Variants in OSBPL8 observed in about 807,000 individuals in gnomAD.
OSBPL8 encodes the protein oxysterol-binding protein-related protein 8.
A neutral mutation model predicts 125.5 loss-of-function variants in OSBPL8; 59 were observed. That is an observed-to-expected ratio of 0.47 (90% CI 0.38 to 0.58). OSBPL8 has a LOEUF of 0.58. OSBPL8 is among the 20% of genes least tolerant of loss of function. OSBPL8 has a pLI of 0.00. For synonymous variants in OSBPL8, 330 were observed against 338.9 expected (o/e 0.97, Z 0.29); for missense variants, 758 against 1,047.8 (o/e 0.72, Z 3.82).
At chr12:76,376,630 AAT>A (rs765658039) in intron 16 of OSBPL8, among the ~76,000 whole-genome samples, 20 of 152,194 alleles carry the variant, frequency 1.3e-4, no homozygotes, top group Admixed American at 6.6e-4. Context: ...AAAATTTAAA[AAT>A]ATGTGTTCTT....
At chr12:76,462,921 G>A (rs1874918916) in intron 2 of OSBPL8, among the ~76,000 whole-genome samples, 1 of 152,196 alleles carries the variant, frequency 6.6e-6, no homozygotes, top group African/African-American at 2.4e-5. Context: ...GCAAAAATAG[G>A]AAAGTAGTAG....
intron 1 of OSBPL8, among the ~76,000 whole-genome samples, chr12:76,533,369 T>C (rs1950403150): frequency 6.6e-6 from 1 of 152,190 alleles, no homozygotes; most frequent in African/African-American, 2.4e-5. Flanking sequence ...CTACTCAAGG[T>C]GCCTTCTCTG....
chr12:76,444,392 C>T (rs151113874), intron 4 of OSBPL8, among the ~76,000 whole-genome samples: 164 of 152,212 alleles, frequency 1.1e-3, no homozygotes, highest in African/African-American at 3.6e-3. Flanking sequence ...ACTGAGATAA[C>T]AGTATCACCT....
At chr12:76,545,086 T>G (rs1447351551) in intron 1 of OSBPL8, among the ~76,000 whole-genome samples, 1 of 152,188 alleles carries the variant, frequency 6.6e-6, no homozygotes, top group African/African-American at 2.4e-5. Context: ...ATTTTCCCAG[T>G]GCATCTGTTC....
intron 2 of OSBPL8, among the ~76,000 whole-genome samples, chr12:76,483,717 C>A (rs1349958676): frequency 7.9e-6 from 1 of 126,814 alleles, no homozygotes; most frequent in Admixed American, 9.0e-5. Flanking sequence ...TCTTGTCACC[C>A]AGGCTGGAGT....
intron 4 of OSBPL8, among the ~76,000 whole-genome samples, chr12:76,438,636 G>A (rs1476672212): frequency 6.6e-6 from 1 of 152,134 alleles, no homozygotes; most frequent in African/African-American, 2.4e-5. Context: ...AACTTCACAT[G>A]GTTAGGAAAG....
intron 1 of OSBPL8, among the ~76,000 whole-genome samples, chr12:76,529,816 A>T (rs529586981): frequency 1.3e-5 from 2 of 152,368 alleles, no homozygotes; most frequent in Non-Finnish European, 2.9e-5. Flanking sequence ...GCAAGGCAGG[A>T]ACATGATCCA....
At chr12:76,508,120 G>A (rs1457533124) in intron 1 of OSBPL8, among the ~76,000 whole-genome samples, 2 of 146,450 alleles carry the variant, frequency 1.4e-5, no homozygotes, top group Non-Finnish European at 3.0e-5. Context: ...GCAGTGAGCC[G>A]AGATTGCGCC....
Position 76,486,314 on chromosome 12 carries a change from A to AAT in OSBPL8, c.42+1194_42+1195dup, listed in dbSNP as rs562931941. On this transcript the variant is annotated intron_variant, in intron 2 of 23. Coordinates refer to ENST00000261183, the MANE Select transcript of OSBPL8 (RefSeq NM_020841.5). ...CTAAAATTTACAAACACCGCAATCT[A>AAT]ATAGTGACTCTCAATTCCACAGCAA... is the stretch of plus-strand genomic sequence containing the variant. Among the ~76,000 whole-genome samples the AAT allele has an allele frequency of 9.3e-4, 142 of 152,320 alleles. 2 individuals carry two copies. The South Asian group carries it at 0.028, about 30-fold the overall frequency.
intron 10 of OSBPL8, among the ~76,000 whole-genome samples, chr12:76,391,822 G>T (rs1449699939): frequency 6.6e-6 from 1 of 152,050 alleles, no homozygotes; most frequent in Non-Finnish European, 1.5e-5. Context: ...AAATGATAGG[G>T]AAGAAATGTC....
At chr12:76,553,976 CAAA>C (rs11395533) in intron 1 of OSBPL8, among the ~76,000 whole-genome samples, 2 of 95,710 alleles carry the variant, frequency 2.1e-5, no homozygotes, top group African/African-American at 4.2e-5. Flanking sequence ...GACTCTATCT[CAAA>C]AAAAAAAAAA....
chr12:76,537,504 A>G (rs1161801531), intron 1 of OSBPL8, among the ~76,000 whole-genome samples: 1 of 152,246 alleles, frequency 6.6e-6, no homozygotes, highest in Non-Finnish European at 1.5e-5. Flanking sequence ...CACTGAGAAG[A>G]GATAACAAAG....
intron 4 of OSBPL8, among the ~76,000 whole-genome samples, chr12:76,439,800 C>G (rs910055551): frequency 6.6e-6 from 1 of 152,062 alleles, no homozygotes; most frequent in African/African-American, 2.4e-5. Context: ...TTTATAATAT[C>G]TTTTAAACAT....
intron 1 of OSBPL8, among the ~76,000 whole-genome samples, chr12:76,506,486 C>G (rs1056950630): frequency 6.6e-6 from 1 of 152,082 alleles, no homozygotes; most frequent in Non-Finnish European, 1.5e-5. Flanking sequence ...CTGAGGTGCT[C>G]CAGTATTAAA....
rs59456964 is a variant in OSBPL8 at position 76,555,712 on chromosome 12, AACG to A, written c.-68+3682_-68+3684del. Among the ~76,000 whole-genome samples, 112 of 152,314 alleles carry A rather than the reference AACG, an allele frequency of 7.4e-4. 1 individual carries two copies. In the East Asian group the frequency reaches 0.02, roughly 28 times the overall value. On this transcript the variant is annotated intron_variant, in intron 1 of 23. Transcript: ENST00000261183. The stretch of plus-strand genomic sequence containing the variant: ...TAAGACCAAGTGATTGGCCGATGGA[AACG>A]ACGCTTGTATAAGATTCAGTCAGAA...
intron 1 of OSBPL8, among the ~76,000 whole-genome samples, chr12:76,551,581 A>T (rs1258702540): frequency 1.3e-5 from 2 of 152,228 alleles, no homozygotes; most frequent in Non-Finnish European, 2.9e-5. Flanking sequence ...GGCGTAAGAT[A>T]AAGCTTTCAT....
In OSBPL8 at chr12:76,519,293, A is replaced by C. The variant is rs190945756; in HGVS notation, c.-67-31675T>G. Among the ~76,000 whole-genome samples the C allele has an allele frequency of 5.5e-3, 842 of 152,286 alleles. 7 individuals are homozygous for C. Among genetic ancestry groups the C allele is most frequent in the Non-Finnish European group, 6.9e-3 (468 of 68,012 alleles). ...CCAGGCTCTTTCTTTGCTGGGGTGC[A>C]AAAGGGTGACCTTTACTCCAGTCCC... is the stretch of plus-strand genomic sequence containing the variant. On this transcript the variant is annotated intron_variant, in intron 1 of 23. Coordinates refer to ENST00000261183, the MANE Select transcript of OSBPL8 (RefSeq NM_020841.5).
chr12:76,379,261 C>A (rs1172206769), intron 15 of OSBPL8, among the ~76,000 whole-genome samples: 2 of 151,996 alleles, frequency 1.3e-5, no homozygotes, highest in Admixed American at 6.5e-5. Flanking sequence ...ATCCTATAGA[C>A]AATTTAGAAA....
intron 1 of OSBPL8, among the ~76,000 whole-genome samples, chr12:76,522,580 G>A (rs532904396): frequency 2.0e-5 from 3 of 152,202 alleles, no homozygotes; most frequent in South Asian, 2.1e-4. Flanking sequence ...CACCCTTTAG[G>A]TTTGGTATCT....
Sources: gnomAD v4.1 joint callset for allele counts (sites outside exome capture counted in the v4.1 genomes callset) on GRCh38, gnomAD v4.1.1 for gene constraint, MANE v1.5 for transcripts, NCBI Gene and HGNC (gene_info 2026-07-23, HGNC 2026-07-21) for gene names.